The following C12orf42 variants were observed in gnomAD, a reference collection of about 807,000 sequenced individuals.
C12orf42 encodes chromosome 12 open reading frame 42.
C12orf42 carries 25 observed loss-of-function variants against 21.6 expected under a neutral mutation model. That is an observed-to-expected ratio of 1.16 (90% CI 0.84 to 1.62). C12orf42 has a LOEUF of 1.62. Among genes scored for constraint, C12orf42 ranks in the 40% most tolerant of loss-of-function variants. The probability of loss-of-function intolerance (pLI) is 0.00; values close to 1 mark genes in which losing one functional copy is unlikely to be tolerated. For synonymous variants in C12orf42, 174 were observed against 175.0 expected (o/e 0.99, Z 0.05); for missense variants, 483 against 459.3 (o/e 1.05, Z -0.47).
the C12orf42 span, among the ~76,000 whole-genome samples, chr12:103,532,531 C>T: frequency 1.3e-4 from 19 of 151,430 alleles, no homozygotes; most frequent in African/African-American, 4.4e-4. Flanking sequence ...AATATTGTGC[C>T]ATCTGGAAAA....
the C12orf42 span, among the ~76,000 whole-genome samples, chr12:103,139,438 A>AGAATC: frequency 0.012 from 1,812 of 152,320 alleles, 34 homozygotes; most frequent in African/African-American, 0.04. Context: ...GAGCACAGAC[A>AGAATC]GAATCATCCC....
the C12orf42 span, among the ~76,000 whole-genome samples, chr12:103,086,129 T>C: frequency 6.6e-6 from 1 of 152,124 alleles, no homozygotes; most frequent in Admixed American, 6.6e-5. Context: ...TAGAATGTAG[T>C]TTCATAATAT....
the C12orf42 span, among the ~76,000 whole-genome samples, chr12:103,086,382 AAGAG>A: frequency 6.6e-6 from 1 of 151,784 alleles, no homozygotes; most frequent in Non-Finnish European, 1.5e-5. Context: ...ATGAAAAAAA[AAGAG>A]AGAACTATTT....
intron 10 of C12orf42, among the ~76,000 whole-genome samples, chr12:103,255,264 C>A (rs537048647): frequency 1.1e-3 from 170 of 152,094 alleles, no homozygotes; most frequent in African/African-American, 4.0e-3. Context: ...CCCAGCTACT[C>A]GGGAGGCTGA....
At chr12:103,495,074 T>C (rs78233823) in intron 1 of C12orf42, among the ~76,000 whole-genome samples, 1,826 of 151,170 alleles carry the variant, frequency 0.012, 37 homozygotes, top group African/African-American at 0.042. Context: ...GGGGCGGCGG[T>C]GGTAAATCCA....
the C12orf42 span, among the ~76,000 whole-genome samples, chr12:103,507,142 TA>T: frequency 3.8e-3 from 79 of 20,810 alleles, 13 homozygotes; most frequent in African/African-American, 0.031. Flanking sequence ...ATATTATATA[TA>T]TAATATAAAT....
At chr12:103,220,859 A>C in the C12orf42 span, among the ~76,000 whole-genome samples, 1 of 152,198 alleles carries the variant, frequency 6.6e-6, no homozygotes, top group Non-Finnish European at 1.5e-5. Context: ...ACAATTGCTC[A>C]AGGAAGATTC....
chr12:103,511,519 G>A, the C12orf42 span, among the ~76,000 whole-genome samples: 2 of 151,624 alleles, frequency 1.3e-5, no homozygotes, highest in Admixed American at 1.3e-4. Flanking sequence ...TCTTCTCTTG[G>A]GGTATAAGGT....
intron 2 of C12orf42, chr12:103,478,053 G>A: frequency 3.6e-6 from 1 of 279,052 alleles, no homozygotes; most frequent in Non-Finnish European, 6.7e-6. Flanking sequence ...AATCCTAATG[G>A]TGTGGGGTTA....
chr12:103,340,767 A>G (rs2042088043), intron 4 of C12orf42, among the ~76,000 whole-genome samples: 2 of 152,080 alleles, frequency 1.3e-5, no homozygotes. Flanking sequence ...ATATTAAAAC[A>G]TACTCTGGAT....
chr12:103,112,828 ACTTCT>A, the C12orf42 span, among the ~76,000 whole-genome samples: 35 of 152,116 alleles, frequency 2.3e-4, no homozygotes, highest in African/African-American at 7.7e-4. Flanking sequence ...TGAGATTGAT[ACTTCT>A]CTTCTATTAT....
the C12orf42 span, among the ~76,000 whole-genome samples, chr12:103,116,157 T>C: frequency 1.3e-5 from 2 of 151,760 alleles, no homozygotes; most frequent in African/African-American, 2.4e-5. Flanking sequence ...AGGTCAGGAG[T>C]TTGAGATCAG....
intron 4 of C12orf42, among the ~76,000 whole-genome samples, chr12:103,296,514 C>T (rs1489402499): frequency 6.6e-6 from 1 of 152,220 alleles, no homozygotes; most frequent in Admixed American, 6.5e-5. Flanking sequence ...CATATCCTCT[C>T]CAGCACCTGT....
intron 2 of C12orf42, among the ~76,000 whole-genome samples, chr12:103,403,815 A>G (rs192020081): frequency 3.3e-5 from 5 of 152,156 alleles, no homozygotes; most frequent in African/African-American, 9.6e-5. Flanking sequence ...CAAGTAGTCA[A>G]CCTTTGCCCA....
At chr12:103,047,961 C>T in the C12orf42 span, among the ~76,000 whole-genome samples, 3 of 152,222 alleles carry the variant, frequency 2.0e-5, no homozygotes, top group Middle Eastern at 3.4e-3. Flanking sequence ...GAGTAAATCA[C>T]GAGGCCAGCC....
chr12:103,238,727 G>C (rs1593187561), intron 10 of C12orf42, among the ~76,000 whole-genome samples: 1 of 152,208 alleles, frequency 6.6e-6, no homozygotes, highest in Non-Finnish European at 1.5e-5. Flanking sequence ...CCCTATGAGT[G>C]CAGCACGGTG....
chr12:103,055,687 C>T, the C12orf42 span, among the ~76,000 whole-genome samples: 1 of 151,886 alleles, frequency 6.6e-6, no homozygotes, highest in Admixed American at 6.6e-5. Context: ...GAATTCAGTA[C>T]CATTGATGTC....
chr12:103,284,598 CAAGGT>C (rs1248103689), intron 4 of C12orf42, among the ~76,000 whole-genome samples: 1 of 152,138 alleles, frequency 6.6e-6, no homozygotes, highest in Non-Finnish European at 1.5e-5. Context: ...TATTAAAAGA[CAAGGT>C]AAGAAGTTTT....
chr12:103,065,533 A>G, the C12orf42 span, among the ~76,000 whole-genome samples: 1 of 152,196 alleles, frequency 6.6e-6, no homozygotes, highest in Non-Finnish European at 1.5e-5. Context: ...TTTCACTTCA[A>G]CAAGATATCA....
Sources: gnomAD v4.1 joint callset for allele counts (sites outside exome capture counted in the v4.1 genomes callset) on GRCh38, gnomAD v4.1.1 for gene constraint, MANE v1.5 for transcripts, NCBI Gene and HGNC (gene_info 2026-07-23, HGNC 2026-07-21) for gene names.